KLHL15: variants seen among roughly 807,000 people sequenced by gnomAD.
KLHL15 encodes the protein kelch like family member 15.
In KLHL15, 1 loss-of-function variant was observed where a neutral mutation model predicts 29.3. The observed-to-expected ratio is 0.03, with a 90% CI of 0.01 to 0.16. The LOEUF (loss-of-function observed/expected upper bound fraction) is 0.16. KLHL15 is among the 10% of genes least tolerant of loss of function. The pLI is 1.00. For missense variants in KLHL15, 215 were observed against 478.5 expected (o/e 0.45, Z 5.14); for synonymous variants, 212 against 184.5 (o/e 1.15, Z -1.21).
At chrX:24,004,882 C>T (rs967822072) in intron 3 of KLHL15, among the ~76,000 whole-genome samples, 9 of 110,803 alleles carry the variant, frequency 8.1e-5, no homozygotes, top group Admixed American at 3.9e-4. Context: ...AGACAAAAAT[C>T]CACAAAACTG....
In KLHL15 at chrX:23,988,235, T is replaced by G; in HGVS notation, c.1501A>C (p.Arg501=). 4 of 1,211,712 alleles carry G rather than the reference T, an allele frequency of 3.3e-6. No homozygotes were observed. Among genetic ancestry groups the G allele is most frequent in the Non-Finnish European group, 4.5e-6 (4 of 895,307 alleles). ...YVFGGVCVIL[R]ASFESQGCPS... ...CATCCCTGAGATTCGAAAGAGGCCCTCAAGATCACACAGACACCACCGAAG... is the reference window on the plus strand; with the variant it reads ...CATCCCTGAGATTCGAAAGAGGCCCGCAAGATCACACAGACACCACCGAAG... Residue 501 remains arginine (R), a synonymous_variant, in exon 4 of 4, where the codon AGG becomes CGG. Transcript: ENST00000328046.
chrX:24,003,576 C>CA (rs1242747325), intron 3 of KLHL15, among the ~76,000 whole-genome samples: 1,649 of 91,877 alleles, frequency 0.018, 35 homozygotes, highest in African/African-American at 0.055. Context: ...AAAAAAAAAA[C>CA]AAAAAAAAAC....
chrX:24,000,203 C>T (rs908749219), intron 3 of KLHL15, among the ~76,000 whole-genome samples: 4 of 111,695 alleles, frequency 3.6e-5, no homozygotes, highest in African/African-American at 6.5e-5. Flanking sequence ...AAAGTTGGCC[C>T]GGCCGGGTAT....
rs1395684575 is a variant in KLHL15, at chrX:23,988,897, G to T, written c.839C>A (p.Pro280Gln). 1 of 1,210,075 alleles carries T rather than the reference G, an allele frequency of 8.3e-7. No individual in the cohort carries two copies. The highest frequency in any genetic ancestry group is 1.1e-6 in the Non-Finnish European group (1 of 895,333). ...MKSSRIRSAK[P>Q]QTTVFRGMIG... is the part of the protein sequence containing the mutation. The stretch of plus-strand genomic sequence containing the variant: ...CATTCCTCGAAATACTGTAGTTTGC[G>T]GTTTTGCAGAACGGATGCGGCTTGA... The change falls in exon 4 of 4, where the codon CCG becomes CAG. Residue 280 changes from proline to glutamine, a missense_variant. Coordinates refer to ENST00000328046, the MANE Select transcript of KLHL15 (RefSeq NM_030624.3).
intron 2 of KLHL15, among the ~76,000 whole-genome samples, chrX:24,018,906 G>A (rs1929746854): frequency 9.0e-6 from 1 of 111,377 alleles, no homozygotes; most frequent in African/African-American, 3.3e-5. Flanking sequence ...AGGAGGGTGA[G>A]GCACGAGAAT....
At chrX:24,016,874 A>G (rs1009517944) in intron 2 of KLHL15, among the ~76,000 whole-genome samples, 1 of 110,851 alleles carries the variant, frequency 9.0e-6, no homozygotes, top group Non-Finnish European at 1.9e-5. Flanking sequence ...GAAACCCCCC[A>G]GCCCACCTTC....
In KLHL15 at chrX:23,984,797, A is replaced by G. The variant is rs1267089355; in HGVS notation, c.*3124T>C. ...ATTTTTACCACTTCTCCCCACATAA[A>G]GCGTGTGTCCTTTACTATGACTCGA... On this transcript the variant is annotated 3_prime_UTR_variant, in exon 4 of 4. Coordinates refer to ENST00000328046, the MANE Select transcript of KLHL15 (RefSeq NM_030624.3). The G allele has an allele frequency of 8.9e-6, 1 of 112,019 alleles. No individual in the cohort carries two copies. The highest frequency in any genetic ancestry group is 2.8e-4 in the East Asian group (1 of 3,618). 9.2% of individuals were successfully genotyped at this position (112,019 alleles called of 1,213,427 possible). A position where few individuals can be genotyped will look rare whatever the true frequency, so the allele number is the denominator to read the frequency against.
At chrX:23,989,076 C>A in intron 3 of KLHL15, 46 bp from the exon 4 acceptor site, 2 of 1,070,671 alleles carry the variant, frequency 1.9e-6, no homozygotes, top group Non-Finnish European at 2.5e-6. Flanking sequence ...AAAGCATCAG[C>A]TGCAAACAAA....
rs1243156964 is a variant in KLHL15, at chrX:24,006,448, G to A, written c.246C>T (p.Phe82=). 2 of 1,209,171 alleles carry A rather than the reference G, an allele frequency of 1.7e-6. No homozygotes were observed. Among genetic ancestry groups the A allele is most frequent in the Non-Finnish European group, 2.2e-6 (2 of 894,546 alleles). ...AGTACATAAATTGCAGGACATGGCT[G>A]AAACCGGTAGCTGTTAGACCTTTTA... ...IHLKGLTATG[F]SHVLQFMYYG... is the part of the protein sequence containing the mutation. Residue 82 remains phenylalanine (F), a synonymous_variant, in exon 3 of 4, where the codon TTC becomes TTT. Coordinates refer to ENST00000328046, the MANE Select transcript of KLHL15 (RefSeq NM_030624.3).
At position 24,006,713 on chromosome X, in the gene KLHL15, C is replaced by A; in HGVS notation, c.-7-13G>T. On this transcript the variant is annotated splice_polypyrimidine_tract_variant and intron_variant, in intron 2 of 3. Transcript: ENST00000328046. ...TGCCATGAATCACCTGGAAAAAAAT[C>A]AAAGACAACAATGTTAAACACTTCC... 1 of 1,107,148 alleles carries A rather than the reference C, an allele frequency of 9.0e-7. No homozygotes were observed. The highest frequency in any genetic ancestry group is 1.2e-6 in the Non-Finnish European group (1 of 820,314). 91.2% of individuals were successfully genotyped at this position (1,107,148 alleles called of 1,213,427 possible).
intron 3 of KLHL15, among the ~76,000 whole-genome samples, chrX:23,993,255 G>GAAT (rs1555974986): frequency 9.0e-6 from 1 of 110,687 alleles, no homozygotes; most frequent in Admixed American, 9.7e-5. Context: ...AATCTGTGTG[G>GAAT]AATTGCGATG....
chrX:24,021,169 T>C (rs917705097), intron 2 of KLHL15, among the ~76,000 whole-genome samples: 3 of 111,791 alleles, frequency 2.7e-5, no homozygotes, highest in African/African-American at 9.8e-5. Flanking sequence ...TTGGCAGAGA[T>C]GAACTATGAG....
Position 24,024,995 on chromosome X carries a change from G to A in KLHL15, c.-146C>T. 2 of 298,032 alleles carry A rather than the reference G, an allele frequency of 6.7e-6. No homozygotes were observed. The highest frequency in any genetic ancestry group is 5.9e-6 in the Non-Finnish European group (1 of 170,130). 24.6% of individuals were successfully genotyped at this position (298,032 alleles called of 1,213,427 possible). ...GGACGTCTACGAGCAGCCGCTCCCG[G>A]CACGAGCCGGGTCGCTCCGGCGGGG... is the stretch of plus-strand genomic sequence containing the variant. On this transcript the variant is annotated 5_prime_UTR_variant, in exon 2 of 4. Transcript: ENST00000328046.
At chrX:24,018,276 A>C (rs1417425364) in intron 2 of KLHL15, among the ~76,000 whole-genome samples, 1 of 111,977 alleles carries the variant, frequency 8.9e-6, no homozygotes, top group Non-Finnish European at 1.9e-5. Context: ...AAAAACCTTA[A>C]ATAAGAACTC....
At chrX:24,004,942 C>T (rs770903507) in intron 3 of KLHL15, among the ~76,000 whole-genome samples, 1 of 111,437 alleles carries the variant, frequency 9.0e-6, no homozygotes, top group South Asian at 3.7e-4. Flanking sequence ...TGTCAGGCTG[C>T]TGTTATTCAA....
In KLHL15 at chrX:23,987,209, G is replaced by C. The variant is rs1371848821; in HGVS notation, c.*712C>G. ...TTCTAAAAATGTTAATATGTGAAAA[G>C]ACGTTACATCTAAAATTCAACAAGT... is the stretch of plus-strand genomic sequence containing the variant. On this transcript the variant is annotated 3_prime_UTR_variant, in exon 4 of 4. Transcript: ENST00000328046. The C allele has an allele frequency of 1.8e-5, 2 of 111,811 alleles. No homozygotes were observed. Among genetic ancestry groups the C allele is most frequent in the Admixed American group, 9.6e-5 (1 of 10,434 alleles). 9.2% of individuals were successfully genotyped at this position (111,811 alleles called of 1,213,427 possible).
chrX:23,992,765 GCA>G (rs760631106), intron 3 of KLHL15, among the ~76,000 whole-genome samples: 27 of 112,337 alleles, frequency 2.4e-4, no homozygotes, highest in African/African-American at 6.8e-4. Context: ...CTGATGCGCT[GCA>G]CAGAGAGCTT....
chrX:24,006,573 G>C lies in KLHL15; in HGVS notation c.121C>G (p.Gln41Glu). 1.7e-6 allele frequency: 2 copies of C among 1,210,887 alleles called. No homozygotes were observed. Among genetic ancestry groups the C allele is most frequent in the African/African-American group, 3.5e-5 (2 of 57,629 alleles). Residue 41 changes from glutamine to glutamate, a missense_variant, in exon 3 of 4, where the codon CAG (glutamine) becomes GAG (glutamate). Gln to Glu is a conservative substitution (Grantham distance 29, BLOSUM62 2). Coordinates refer to ENST00000328046, the MANE Select transcript of KLHL15 (RefSeq NM_030624.3). ...AAGAGTGCTTTATGGGCCTGGAACT[G>C]ATGATCTTCAATAACCAGAGTGACA... ...LDVTLVIEDHQFQAHKALLAT... is the reference protein window; with the variant it reads ...LDVTLVIEDHEFQAHKALLAT...
Position 23,988,378 on chromosome X carries a change from G to A in KLHL15, c.1358C>T (p.Thr453Ile). 1 of 1,211,765 alleles carries A rather than the reference G, an allele frequency of 8.3e-7. No individual in the cohort carries two copies. Among genetic ancestry groups the A allele is most frequent in the Non-Finnish European group, 1.1e-6 (1 of 895,491 alleles). The stretch of plus-strand genomic sequence containing the variant: ...AGTTCTCCTGGTCCGTTGTTCTATG[G>A]TCCCTTCTTTGCTGGGGTCAAACAC... ...VCVFDPSKEG[T>I]IEQRTRRTQV... The change falls in exon 4 of 4, where the codon ACC becomes ATC. Residue 453 changes from threonine to isoleucine, a missense_variant. Thr to Ile is a moderately conservative substitution (Grantham distance 89). Transcript: ENST00000328046.
Sources: gnomAD v4.1 joint callset for allele counts (sites outside exome capture counted in the v4.1 genomes callset) on GRCh38, gnomAD v4.1.1 for gene constraint, MANE v1.5 for transcripts, NCBI Gene and HGNC (gene_info 2026-07-23, HGNC 2026-07-21) for gene names.